APOL5: variants seen among roughly 807,000 people sequenced by gnomAD.
APOL5 encodes the protein apolipoprotein L, 5.
A neutral mutation model predicts 35.5 loss-of-function variants in APOL5; 29 were observed. That is an observed-to-expected ratio of 0.82 (90% confidence interval 0.61 to 1.11). APOL5 has a LOEUF of 1.11. Among genes scored for constraint, APOL5 ranks in the 50% most tolerant of loss-of-function variants. The pLI is 0.00. For synonymous variants in APOL5, 188 were observed against 200.2 expected, an observed-to-expected ratio of 0.94 and a Z score of 0.51; for missense variants, 514 against 530.4, an observed-to-expected ratio of 0.97 and a Z score of 0.30.
the APOL5 span, among the ~76,000 whole-genome samples, chr22:35,711,632 TTCC>T: frequency 6.7e-6 from 1 of 148,850 alleles, no homozygotes; most frequent in Admixed American, 6.7e-5. Context: ...CCTTCCTTCC[TTCC>T]TTCCTTCCTT....
rs1283815134 is a variant in APOL5, at chr22:35,728,724, G to A, written c.1128G>A (p.Gly376=). Residue 376 remains glycine, a splice_region_variant and synonymous_variant, in exon 4 of 5, where the codon GGG becomes GGA. Transcript: ENST00000249044. ...VRGSRVVKPE[G]SRSPLPWPVV... ...GACACAGGGACTCATGTTCCACAGG[G>A]TCTCGCTCACCTCTCCCCTGGCCTG... is the stretch of plus-strand genomic sequence containing the variant. 1 of 1,611,624 alleles carries A rather than the reference G, an allele frequency of 6.2e-7. No homozygotes were observed. Among genetic ancestry groups the A allele is most frequent in the Admixed American group, 1.7e-5 (1 of 59,722 alleles).
At chr22:35,728,972 G>A (rs1445640038) in intron 4 of APOL5, 68 bp downstream of exon 4, 4 of 1,461,126 alleles carry the variant, frequency 2.7e-6, no homozygotes, top group Non-Finnish European at 3.6e-6. Context: ...CTCCTTGGGT[G>A]GGTGGGCTTC....
At chr22:35,710,312 C>CTT in the APOL5 span, among the ~76,000 whole-genome samples, 6 of 143,982 alleles carry the variant, frequency 4.2e-5, no homozygotes, top group East Asian at 8.1e-4. Flanking sequence ...TTTTATTCTT[C>CTT]TTTTTTTTTT....
intron 1 of APOL5, 67 bp downstream of exon 1, chr22:35,717,993 A>C: frequency 7.4e-7 from 1 of 1,351,534 alleles, no homozygotes; most frequent in Non-Finnish European, 1.0e-6. Flanking sequence ...CAGAAATAGA[A>C]AAAATACGTT....
At chr22:35,717,235 A>AAAAAAATATAT, upstream of APOL5, among the ~76,000 whole-genome samples, 2 of 57,662 alleles carry the variant, frequency 3.5e-5, no homozygotes, top group African/African-American at 1.6e-4. Flanking sequence ...AAAAAAAAAA[A>AAAAAAATATAT]ATATATATAT....
In APOL5 at chr22:35,726,594, T is replaced by C; in HGVS notation, c.526T>C (p.Leu176=). 1 of 1,613,664 alleles carries C rather than the reference T, an allele frequency of 6.2e-7. No homozygotes were observed. Among genetic ancestry groups the C allele is most frequent in the Non-Finnish European group, 8.5e-7 (1 of 1,179,926 alleles). ...CATGCTCTCAGCAACTGGGACAGGG[T>C]TGGGGGCAGCAGCTGCCATCACCAA... The part of the protein sequence containing the change: ...SLMLSATGTG[L]GAAAAITNIV... Residue 176 remains leucine, a synonymous_variant, in exon 3 of 5, where the codon TTG becomes CTG. Coordinates refer to ENST00000249044, the MANE Select transcript of APOL5 (RefSeq NM_030642.1).
intron 1 of APOL5, 117 bp from the exon 2 acceptor site, chr22:35,720,451 T>C (rs201355389): frequency 1.3e-6 from 1 of 766,312 alleles, no homozygotes. Context: ...TGTATTCTTT[T>C]TTTTTTCTAA....
At chr22:35,712,509 T>C in the APOL5 span, among the ~76,000 whole-genome samples, 1 of 152,212 alleles carries the variant, frequency 6.6e-6, no homozygotes, top group African/African-American at 2.4e-5. Context: ...TAAGCCACCG[T>C]ACCTAACCTC....
At chr22:35,728,107 C>T (rs774362453) in intron 3 of APOL5, among the ~76,000 whole-genome samples, 1 of 152,216 alleles carries the variant, frequency 6.6e-6, no homozygotes, top group Non-Finnish European at 1.5e-5. Context: ...AATGTGTCTG[C>T]ATGTTGGAAT....
chr22:35,708,532 C>T, the APOL5 span, among the ~76,000 whole-genome samples: 58 of 152,164 alleles, frequency 3.8e-4, no homozygotes, highest in African/African-American at 1.4e-3. Flanking sequence ...GAATGATTTA[C>T]ACGGTAAAAT....
chr22:35,719,813 G>T (rs573963410), intron 1 of APOL5, among the ~76,000 whole-genome samples: 63 of 152,316 alleles, frequency 4.1e-4, no homozygotes, highest in African/African-American at 1.5e-3. Context: ...TGTACTCCAG[G>T]GTTCTAACCC....
chr22:35,718,503 G>T (rs996176960), intron 1 of APOL5, among the ~76,000 whole-genome samples: 1 of 148,976 alleles, frequency 6.7e-6, no homozygotes. Context: ...CTGTAGTCCC[G>T]TTACTCGGGA....
At chr22:35,718,488 C>T (rs1037615911) in intron 1 of APOL5, among the ~76,000 whole-genome samples, 3 of 150,570 alleles carry the variant, frequency 2.0e-5, no homozygotes, top group Admixed American at 6.7e-5. Context: ...GCTGGTAGTG[C>T]ACACCTGTAG....
chr22:35,717,777 A>AAT, upstream of APOL5: 1 of 693,574 alleles, frequency 1.4e-6, no homozygotes. Flanking sequence ...AGAAAAAAAA[A>AAT]TAGGTGAGGA....
At chr22:35,710,511 A>G in the APOL5 span, among the ~76,000 whole-genome samples, 3 of 136,074 alleles carry the variant, frequency 2.2e-5, no homozygotes, top group Admixed American at 2.2e-4. Context: ...ACACACACAC[A>G]TATATATATA....
intron 4 of APOL5, 97 bp downstream of exon 4, chr22:35,729,001 C>A (rs932309789): frequency 4.5e-6 from 6 of 1,324,802 alleles, no homozygotes; most frequent in African/African-American, 1.5e-5. Context: ...AGAGGGAGGG[C>A]CTAACGGGGA....
Position 35,726,838 on chromosome 22 carries a change from C to G in APOL5, c.770C>G (p.Ala257Gly). ...GCCAAATCCAACTCTGGCTTCATGGCTATGGTCAAGAATTTTGTGGCCAAG... is the reference window on the plus strand; with the variant it reads ...GCCAAATCCAACTCTGGCTTCATGGGTATGGTCAAGAATTTTGTGGCCAAG... ...QMAKSNSGFM[A>G]MVKNFVAKRH... Residue 257 changes from alanine to glycine, a missense_variant, in exon 3 of 5, where the codon GCT (alanine) becomes GGT (glycine). Around this residue, in one of 3 missense-constraint regions of APOL5, gnomAD observed 238 missense variants for 229.1 expected, o/e 1.04. Coordinates refer to ENST00000249044, the MANE Select transcript of APOL5 (RefSeq NM_030642.1). 1 of 1,614,192 alleles carries G rather than the reference C, an allele frequency of 6.2e-7. No individual in the cohort carries two copies. Among genetic ancestry groups the G allele is most frequent in the Non-Finnish European group, 8.5e-7 (1 of 1,180,032 alleles).
upstream of APOL5, among the ~76,000 whole-genome samples, chr22:35,714,448 T>C (rs1309923848): frequency 6.6e-6 from 1 of 152,222 alleles, no homozygotes; most frequent in Non-Finnish European, 1.5e-5. Flanking sequence ...AGATTTGTTT[T>C]TGGCCCAGCC....
upstream of APOL5, among the ~76,000 whole-genome samples, chr22:35,716,525 G>A (rs538884985): frequency 3.3e-5 from 5 of 152,292 alleles, no homozygotes; most frequent in South Asian, 1.0e-3. Flanking sequence ...GCTTCCCAAA[G>A]TGCTGGGATT....
Sources: allele counts gnomAD v4.1 joint callset (sites outside exome capture counted in the v4.1 genomes callset), GRCh38; gene constraint gnomAD v4.1.1; regional missense constraint gnomAD v4.1.1; transcripts MANE v1.5; gene names NCBI Gene and HGNC (gene_info 2026-07-23, HGNC 2026-07-21).